Variants in DCHS2 observed in about 807,000 individuals in gnomAD.
DCHS2 encodes protocadherin-23.
DCHS2 carries 142 observed loss-of-function variants against 182.4 expected under a neutral mutation model. The observed-to-expected ratio is 0.78, with a 90% confidence interval of 0.68 to 0.89. DCHS2 has a LOEUF of 0.89. DCHS2 is among the 40% of genes least tolerant of loss of function. The pLI, the probability that DCHS2 is intolerant of heterozygous loss-of-function variation, is 0.00. For synonymous variants in DCHS2, 1,740 were observed against 1,663.3 expected (o/e 1.05, Z -1.12); for missense variants, 4,319 against 4,198.6 (o/e 1.03, Z -0.79).
intron 1 of DCHS2, among the ~76,000 whole-genome samples, chr4:154,458,436 C>T (rs1449583163): frequency 6.6e-6 from 1 of 152,148 alleles, no homozygotes; most frequent in African/African-American, 2.4e-5. Context: ...CAGAGAAGCG[C>T]TAATATTCTC....
chr4:154,459,734 TTCTCTCTCTCTCTCTCTCTCTCTCTC>T (rs60259256), intron 1 of DCHS2, among the ~76,000 whole-genome samples: 1 of 135,356 alleles, frequency 7.4e-6, no homozygotes, highest in East Asian at 2.1e-4. Flanking sequence ...TATCTACACA[TTCTCTCTCTCTCTCTCTCTCTCTCTC>T]TCTCTCTCTC....
chr4:154,422,055 T>C (rs1030521379), intron 1 of DCHS2, among the ~76,000 whole-genome samples: 6 of 152,236 alleles, frequency 3.9e-5, no homozygotes, highest in African/African-American at 1.4e-4. Flanking sequence ...TTTCATTGAA[T>C]AATACTCTTG....
intron 13 of DCHS2, among the ~76,000 whole-genome samples, chr4:154,271,564 A>G (rs781374009): frequency 1.5e-4 from 23 of 152,144 alleles, no homozygotes; most frequent in Non-Finnish European, 2.8e-4. Flanking sequence ...AGCTGTCTGT[A>G]TGGGAAGCTC....
At chr4:154,373,760 A>G in intron 2 of DCHS2, 1 of 596,708 alleles carries the variant, frequency 1.7e-6, no homozygotes. Flanking sequence ...TCAGCCTCAT[A>G]CCTGCAAGAC....
In DCHS2 at chr4:154,236,402, A is replaced by G. The variant is rs1425806716; in HGVS notation, c.8250T>C (p.Phe2750=). 6.2e-7 allele frequency: 1 copy of G among 1,613,978 alleles called. No homozygotes were observed. Among genetic ancestry groups the G allele is most frequent in the Non-Finnish European group, 8.5e-7 (1 of 1,179,982 alleles). Reference sequence around the variant, plus strand: ...CACTGACAAACACAACTGCAAAAGAAAAATGTTTCTTTTCTGCATCTGAAG... The same window carrying G: ...CACTGACAAACACAACTGCAAAAGAGAAATGTTTCTTTTCTGCATCTGAAG... ...VQASDAEKKH[F]SFAVVFVSVL... is the part of the protein sequence containing the mutation. The change falls in exon 20 of 20, where the codon TTT becomes TTC. Residue 2750 remains phenylalanine (F), a synonymous_variant. Transcript: ENST00000357232.
Position 154,377,296 on chromosome 4 carries a change from C to G in DCHS2, c.2201G>C (p.Arg734Thr), listed in dbSNP as rs987382642. 6.2e-7 allele frequency: 1 copy of G among 1,613,512 alleles called. No homozygotes were observed. The highest frequency in any genetic ancestry group is 8.5e-7 in the Non-Finnish European group (1 of 1,179,706). Residue 734 changes from arginine (R) to threonine (T), a missense_variant, in exon 2 of 20, where the codon AGG becomes ACG. Coordinates refer to ENST00000357232, the MANE Select transcript of DCHS2 (RefSeq NM_001358235.2). ...CAGGAGATCATAGGTAGCTGGATCCCTTTCCCTGTCGATATCTTGAGAAAC... is the reference window on the plus strand; with the variant it reads ...CAGGAGATCATAGGTAGCTGGATCCGTTTCCCTGTCGATATCTTGAGAAAC... ...ICVSQDIDRE[R>T]DPATYDLLVE...
At chr4:154,265,410 C>T (rs1733196676) in intron 14 of DCHS2, among the ~76,000 whole-genome samples, 4 of 152,170 alleles carry the variant, frequency 2.6e-5, no homozygotes. Context: ...ATTCTATTAT[C>T]ATACTTAAGT....
chr4:154,263,010 T>C (rs1733060291), intron 14 of DCHS2, among the ~76,000 whole-genome samples: 1 of 152,176 alleles, frequency 6.6e-6, no homozygotes, highest in Admixed American at 6.5e-5. Context: ...TGGCACAAAT[T>C]GACAGAAAAC....
intron 2 of DCHS2, among the ~76,000 whole-genome samples, chr4:154,376,620 T>C (rs1730912731): frequency 6.6e-6 from 1 of 152,212 alleles, no homozygotes; most frequent in Non-Finnish European, 1.5e-5. Flanking sequence ...AGCTACCATT[T>C]TTCAACCTCT....
chr4:154,289,263 A>G (rs1473779803), intron 13 of DCHS2, among the ~76,000 whole-genome samples: 1 of 151,986 alleles, frequency 6.6e-6, no homozygotes, highest in Non-Finnish European at 1.5e-5. Context: ...GCATTCCGAC[A>G]GATACTACAT....
chr4:154,295,523 G>A (rs893463220), intron 13 of DCHS2, among the ~76,000 whole-genome samples: 1 of 152,090 alleles, frequency 6.6e-6, no homozygotes, highest in Admixed American at 6.6e-5. Context: ...GTTCTTATCT[G>A]GTTTGAAGAC....
At chr4:154,344,750 G>A (rs914590030) in intron 3 of DCHS2, among the ~76,000 whole-genome samples, 12 of 152,172 alleles carry the variant, frequency 7.9e-5, no homozygotes, top group Admixed American at 1.3e-4. Context: ...CAGGGCTAGC[G>A]TCCACAGTTC....
intron 3 of DCHS2, among the ~76,000 whole-genome samples, chr4:154,361,751 C>A (rs540977142): frequency 6.6e-6 from 1 of 151,984 alleles, no homozygotes; most frequent in Non-Finnish European, 1.5e-5. Flanking sequence ...CGCCACACCC[C>A]CTTCTAGTTT....
At chr4:154,300,724 A>G (rs1282333783) in intron 12 of DCHS2, among the ~76,000 whole-genome samples, 1 of 152,014 alleles carries the variant, frequency 6.6e-6, no homozygotes, top group African/African-American at 2.4e-5. Context: ...AAAAAAAGAA[A>G]AGAAAATGAA....
chr4:154,313,714 T>C (rs1033464963), intron 10 of DCHS2, among the ~76,000 whole-genome samples: 1 of 152,216 alleles, frequency 6.6e-6, no homozygotes, highest in Non-Finnish European at 1.5e-5. Flanking sequence ...CATAACCACC[T>C]ACTTAACAGA....
Position 154,321,211 on chromosome 4 carries a change from T to G in DCHS2, c.4188A>C (p.Leu1396=). 1.3e-6 allele frequency: 2 copies of G among 1,526,072 alleles called. No homozygotes were observed. The allele number at this position is 1,526,072 out of a possible 1,614,324, so 94.5% of individuals were successfully genotyped here. ...QAVVNIQVIP[L]SKGRAIMSQN... is the part of the protein sequence containing the mutation. Reference sequence around the variant, plus strand: ...GAGACATGATTGCTCTCCCTTTGGATAGTGGGATCACCTGAAATACGAATA... The same window carrying G: ...GAGACATGATTGCTCTCCCTTTGGAGAGTGGGATCACCTGAAATACGAATA... The change falls in exon 9 of 20, where the codon CTA becomes CTC. Residue 1396 remains leucine (L), a synonymous_variant. Transcript: ENST00000357232.
chr4:154,352,545 T>A (rs556747662), intron 3 of DCHS2: 1 of 152,146 alleles, frequency 6.6e-6, no homozygotes, highest in Non-Finnish European at 1.5e-5. Context: ...TAAAATTAAG[T>A]ATAAAATAAA....
intron 1 of DCHS2, among the ~76,000 whole-genome samples, chr4:154,483,317 C>T (rs993798457): frequency 6.6e-6 from 1 of 152,094 alleles, no homozygotes; most frequent in African/African-American, 2.4e-5. Flanking sequence ...CAAACCAAAT[C>T]AAAGGCTGAG....
intron 13 of DCHS2, among the ~76,000 whole-genome samples, chr4:154,278,631 GAGAA>G (rs1733980726): frequency 6.7e-6 from 1 of 148,230 alleles, no homozygotes; most frequent in Non-Finnish European, 1.5e-5. Flanking sequence ...AAAAAAAAAA[GAGAA>G]AGAAAAAGTG....
Sources: allele counts gnomAD v4.1 joint callset (sites outside exome capture counted in the v4.1 genomes callset), GRCh38; gene constraint gnomAD v4.1.1; transcripts MANE v1.5; gene names NCBI Gene and HGNC (gene_info 2026-07-23, HGNC 2026-07-21).